CACNB4: variants seen among roughly 807,000 people sequenced by gnomAD.
CACNB4 encodes voltage-dependent L-type calcium channel subunit beta-4.
Under a neutral mutation model 71.2 loss-of-function variants are expected in CACNB4, and 32 were observed. The observed-to-expected ratio is 0.45, with a 90% CI of 0.34 to 0.60. The LOEUF (loss-of-function observed/expected upper bound fraction) is 0.60. CACNB4 is among the 20% of genes least tolerant of loss of function. The pLI is 0.01. For missense variants in CACNB4, 464 were observed against 647.9 expected, an observed-to-expected ratio of 0.72 and a Z score of 3.08; for synonymous variants, 231 against 236.9, an observed-to-expected ratio of 0.97 and a Z score of 0.23.
intron 2 of CACNB4, among the ~76,000 whole-genome samples, chr2:151,892,189 T>C (rs878937234): frequency 6.6e-6 from 1 of 152,056 alleles, no homozygotes; most frequent in Admixed American, 6.6e-5. Flanking sequence ...TCTGGAAAAG[T>C]GATTGACTGA....
chr2:152,065,566 A>G (rs1382619277), intron 2 of CACNB4, among the ~76,000 whole-genome samples: 1 of 152,194 alleles, frequency 6.6e-6, no homozygotes, highest in Non-Finnish European at 1.5e-5. Flanking sequence ...TAGGTCTTGA[A>G]GGACTTCACA....
At chr2:151,841,047 C>T (rs1353082077) in intron 13 of CACNB4, among the ~76,000 whole-genome samples, 5 of 152,180 alleles carry the variant, frequency 3.3e-5, no homozygotes, top group South Asian at 2.1e-4. Context: ...CTAAAGGACA[C>T]GTGCCACAGC....
intron 2 of CACNB4, among the ~76,000 whole-genome samples, chr2:152,056,075 A>G (rs1394416287): frequency 6.6e-6 from 1 of 151,986 alleles, no homozygotes; most frequent in Non-Finnish European, 1.5e-5. Context: ...GAAATTAGAT[A>G]TTTTCGGCTG....
chr2:152,039,234 T>C (rs922157975), intron 2 of CACNB4, among the ~76,000 whole-genome samples: 8 of 152,012 alleles, frequency 5.3e-5, no homozygotes, highest in South Asian at 4.2e-4. Flanking sequence ...CTGGCCAAGA[T>C]GGTGAAACCC....
rs78337190 is a variant in CACNB4 at position 152,082,280 on chromosome 2, T to C, written c.147+16050A>G. Among the ~76,000 whole-genome samples, 227 of 152,362 alleles carry C rather than the reference T, an allele frequency of 1.5e-3. 4 individuals are homozygous for C. In the East Asian group the frequency reaches 0.028, roughly 19 times the overall value. On this transcript the variant is annotated intron_variant, in intron 2 of 13. Transcript: ENST00000539935. ...TCCTGTAAACTCCACATCATCTCTT[T>C]GCTACATTATAAAAGAATGTCCTTA...
chr2:152,039,072 C>T (rs540956812), intron 2 of CACNB4, among the ~76,000 whole-genome samples: 1 of 152,232 alleles, frequency 6.6e-6, no homozygotes, highest in East Asian at 1.9e-4. Flanking sequence ...CAAACATTTC[C>T]TTGTATTTAA....
At chr2:151,914,465 T>G (rs2099856979) in intron 2 of CACNB4, among the ~76,000 whole-genome samples, 1 of 152,220 alleles carries the variant, frequency 6.6e-6, no homozygotes, top group Non-Finnish European at 1.5e-5. Flanking sequence ...TGAAGCCTAC[T>G]TCTGTCAATT....
intron 2 of CACNB4, among the ~76,000 whole-genome samples, chr2:151,976,327 A>G (rs946692691): frequency 2.0e-5 from 3 of 152,216 alleles, no homozygotes; most frequent in African/African-American, 7.2e-5. Context: ...TACTTTATTC[A>G]AAGCCATATG....
chr2:152,030,564 C>A (rs1196857151), intron 2 of CACNB4, among the ~76,000 whole-genome samples: 1 of 152,194 alleles, frequency 6.6e-6, no homozygotes, highest in Non-Finnish European at 1.5e-5. Flanking sequence ...CACCCATTAA[C>A]TTGTCATTTA....
chr2:152,017,611 G>C lies in CACNB4; in HGVS notation c.147+80719C>G, dbSNP rs555077611. ...TAGTCCCAGCTACTTGGGAGGCTGAGGCAGGTGAATCACTTGAACCCAGGA... is the reference window on the plus strand; with the variant it reads ...TAGTCCCAGCTACTTGGGAGGCTGACGCAGGTGAATCACTTGAACCCAGGA... On this transcript the variant is annotated intron_variant, in intron 2 of 13. Transcript: ENST00000539935. Among the ~76,000 whole-genome samples, 4 of 151,968 alleles carry C rather than the reference G, an allele frequency of 2.6e-5. No individual in the cohort carries two copies. In the South Asian group the frequency reaches 8.3e-4, roughly 32 times the overall value.
chr2:152,013,772 C>T (rs1008276478), intron 2 of CACNB4, among the ~76,000 whole-genome samples: 4 of 152,190 alleles, frequency 2.6e-5, no homozygotes, highest in African/African-American at 9.7e-5. Context: ...TAAGGAGGCT[C>T]ACTCTGCTAC....
intron 2 of CACNB4, among the ~76,000 whole-genome samples, chr2:152,057,562 G>A (rs951816012): frequency 1.3e-5 from 2 of 152,076 alleles, no homozygotes; most frequent in Non-Finnish European, 2.9e-5. Flanking sequence ...ACTGAATACC[G>A]GACATTTAGT....
chr2:152,042,293 G>A (rs183599129), intron 2 of CACNB4, among the ~76,000 whole-genome samples: 1 of 152,180 alleles, frequency 6.6e-6, no homozygotes, highest in East Asian at 1.9e-4. Context: ...CCCTAGGAAC[G>A]CTTTCCAATT....
chr2:151,890,371 G>A (rs555504101), intron 2 of CACNB4, among the ~76,000 whole-genome samples: 17 of 152,236 alleles, frequency 1.1e-4, no homozygotes, highest in African/African-American at 3.6e-4. Flanking sequence ...AAAGGGAAGC[G>A]GAAGAGAATG....
At chr2:151,872,608 A>C in intron 5 of CACNB4, 115 bp from the exon 6 acceptor site, 1 of 618,664 alleles carries the variant, frequency 1.6e-6, no homozygotes, top group Non-Finnish European at 2.9e-6. Context: ...AACACACCAA[A>C]TTCTGCTATA....
intron 12 of CACNB4, among the ~76,000 whole-genome samples, chr2:151,842,885 T>C (rs2099836586): frequency 1.3e-5 from 2 of 152,184 alleles, no homozygotes; most frequent in Admixed American, 1.3e-4. Flanking sequence ...GGGAATAACA[T>C]TTACTTAGGT....
rs184561746 is a variant in CACNB4 at position 151,948,798 on chromosome 2, G to C, written c.148-65428C>G. On this transcript the variant is annotated intron_variant, in intron 2 of 13. Coordinates refer to ENST00000539935, the MANE Select transcript of CACNB4 (RefSeq NM_000726.5). ...CAGTACAGAGTGTAAGTGGAATAAG[G>C]TGGGACTGGGAGGCATTCATTCCTG... 3.3e-5 allele frequency among the ~76,000 whole-genome samples: 5 copies of C among 152,320 alleles called. No individual in the cohort carries two copies. In the South Asian group the frequency reaches 8.3e-4, roughly 25 times the overall value.
intron 2 of CACNB4, among the ~76,000 whole-genome samples, chr2:152,093,552 C>T (rs1688102998): frequency 6.6e-6 from 1 of 152,176 alleles, no homozygotes; most frequent in Admixed American, 6.5e-5. Context: ...GTTTGCAAGA[C>T]AAGTGATACA....
At chr2:151,999,154 A>ACTC (rs1388742127) in intron 2 of CACNB4, among the ~76,000 whole-genome samples, 1 of 152,028 alleles carries the variant, frequency 6.6e-6, no homozygotes, top group African/African-American at 2.4e-5. Context: ...CACTCACTCC[A>ACTC]TGGCCTACTC....
Sources: allele counts gnomAD v4.1 joint callset (sites outside exome capture counted in the v4.1 genomes callset), GRCh38; gene constraint gnomAD v4.1.1; transcripts MANE v1.5; gene names NCBI Gene and HGNC (gene_info 2026-07-23, HGNC 2026-07-21).